GSTCD: variants seen among roughly 807,000 people sequenced by gnomAD.
GSTCD encodes the protein glutathione S-transferase C-terminal domain containing, also known as glutathione S-transferase C-terminal domain-containing protein.
A neutral mutation model predicts 68.3 loss-of-function variants in GSTCD; 44 were observed. The observed-to-expected ratio is 0.64, with a 90% CI of 0.51 to 0.83. The LOEUF (loss-of-function observed/expected upper bound fraction) is 0.83. GSTCD is among the 40% of genes least tolerant of loss of function. GSTCD has a pLI of 0.00. For missense variants in GSTCD, 739 were observed against 735.9 expected (o/e 1.00, Z -0.05); for synonymous variants, 273 against 255.2 (o/e 1.07, Z -0.67).
Position 105,845,731 on chromosome 4 carries a change from A to G in GSTCD, c.*154A>G. On this transcript the variant is annotated 3_prime_UTR_variant, in exon 12 of 12. Coordinates refer to ENST00000515279, the MANE Select transcript of GSTCD (RefSeq NM_001370181.1). ...AGCAACAGGGAAATCTTGGAAGTAAAGGCTCCCTGCAAAGCATCACAAATG... is the reference window on the plus strand; with the variant it reads ...AGCAACAGGGAAATCTTGGAAGTAAGGGCTCCCTGCAAAGCATCACAAATG... The G allele has an allele frequency of 1.4e-6, 1 of 699,526 alleles. No homozygotes were observed. The highest frequency in any genetic ancestry group is 1.9e-5 in the South Asian group (1 of 53,470). The allele number at this position is 699,526 out of a possible 1,614,324, so 43.3% of individuals were successfully genotyped here. A position where few individuals can be genotyped will look rare whatever the true frequency, so the allele number is the denominator to read the frequency against.
At chr4:105,823,783 T>C (rs1723439674) in intron 7 of GSTCD, 1 of 152,142 alleles carries the variant, frequency 6.6e-6, no homozygotes, top group Admixed American at 6.5e-5. Context: ...GGGATGCTAA[T>C]TGTTGCAAAT....
chr4:105,778,458 ATT>A (rs760194072), intron 5 of GSTCD, among the ~76,000 whole-genome samples: 3 of 152,150 alleles, frequency 2.0e-5, no homozygotes, highest in Non-Finnish European at 4.4e-5. Flanking sequence ...ATTTTAAAAT[ATT>A]GTTTATTTCA....
In GSTCD at chr4:105,823,139, G is replaced by A. The variant is rs750334828; in HGVS notation, c.1356+70G>A. On this transcript the variant is annotated intron_variant, in intron 6 of 11. Coordinates refer to ENST00000515279, the MANE Select transcript of GSTCD (RefSeq NM_001370181.1). ...TGAGACTTTTCTATATTACATTCAA[G>A]GTCATGTTTTTATTTGGCAAGATTG... 7 of 1,569,000 alleles carry A rather than the reference G, an allele frequency of 4.5e-6. No homozygotes were observed. The African/African-American group carries it at 8.1e-5, about 18-fold the overall frequency.
intron 5 of GSTCD, among the ~76,000 whole-genome samples, chr4:105,749,444 T>G (rs1473814168): frequency 6.6e-6 from 1 of 151,880 alleles, no homozygotes; most frequent in Non-Finnish European, 1.5e-5. Flanking sequence ...GTGTTAAGAC[T>G]TACTATATAG....
chr4:105,795,273 C>T (rs1172977121), intron 5 of GSTCD, among the ~76,000 whole-genome samples: 4 of 152,008 alleles, frequency 2.6e-5, no homozygotes, highest in Non-Finnish European at 4.4e-5. Context: ...AAGCTGTAGA[C>T]ATTTTTCTGA....
intron 5 of GSTCD, among the ~76,000 whole-genome samples, chr4:105,759,483 T>G (rs900349780): frequency 6.6e-6 from 1 of 152,128 alleles, no homozygotes; most frequent in African/African-American, 2.4e-5. Context: ...TGTGTTTAGT[T>G]TCAACAAAGG....
intron 5 of GSTCD, among the ~76,000 whole-genome samples, chr4:105,780,501 T>G (rs1735236300): frequency 6.6e-6 from 1 of 152,224 alleles, no homozygotes; most frequent in Non-Finnish European, 1.5e-5. Context: ...GTCTGAGCCA[T>G]ATAAGAACTG....
chr4:105,797,418 C>T (rs1735936928), intron 5 of GSTCD, among the ~76,000 whole-genome samples: 1 of 152,054 alleles, frequency 6.6e-6, no homozygotes, highest in Non-Finnish European at 1.5e-5. Flanking sequence ...TGCCAGTGCA[C>T]ATGAAAGTTG....
intron 5 of GSTCD, among the ~76,000 whole-genome samples, chr4:105,801,929 G>A (rs897442157): frequency 1.3e-5 from 2 of 151,982 alleles, no homozygotes; most frequent in Non-Finnish European, 2.9e-5. Context: ...GACCTGGTTA[G>A]ACTTCTACTT....
At chr4:105,718,138 T>G (rs566766195) in intron 2 of GSTCD, 99 bp downstream of exon 2, 38 of 984,870 alleles carry the variant, frequency 3.9e-5, no homozygotes, top group Middle Eastern at 5.0e-4. Flanking sequence ...AATAAAAGTT[T>G]ATTTATTTTA....
At chr4:105,726,142 A>G (rs72671855) in intron 3 of GSTCD, among the ~76,000 whole-genome samples, 6,763 of 152,274 alleles carry the variant, frequency 0.044, 207 homozygotes, top group Middle Eastern at 0.13. Context: ...TCTATCAACC[A>G]GTGAATGAGT....
intron 3 of GSTCD, among the ~76,000 whole-genome samples, chr4:105,720,385 C>G (rs935400133): frequency 1.3e-5 from 2 of 152,130 alleles, no homozygotes; most frequent in Non-Finnish European, 2.9e-5. Flanking sequence ...ACTAAGGAAT[C>G]AGATATTAGA....
intron 5 of GSTCD, among the ~76,000 whole-genome samples, chr4:105,764,267 T>C (rs1029510635): frequency 6.6e-6 from 1 of 152,206 alleles, no homozygotes; most frequent in Non-Finnish European, 1.5e-5. Flanking sequence ...TATGTTGTTA[T>C]ATATCCAACT....
intron 5 of GSTCD, among the ~76,000 whole-genome samples, chr4:105,805,273 T>C (rs1722444189): frequency 6.6e-6 from 1 of 152,096 alleles, no homozygotes; most frequent in Non-Finnish European, 1.5e-5. Context: ...CCACTGTGTT[T>C]TTATTTTAAT....
At chr4:105,790,590 A>C (rs962459595) in intron 5 of GSTCD, among the ~76,000 whole-genome samples, 1 of 151,978 alleles carries the variant, frequency 6.6e-6, no homozygotes, top group Non-Finnish European at 1.5e-5. Flanking sequence ...CCAGTGAGCT[A>C]TGATTGCACT....
intron 5 of GSTCD, among the ~76,000 whole-genome samples, chr4:105,740,503 A>T (rs1733598711): frequency 6.6e-6 from 1 of 151,612 alleles, no homozygotes; most frequent in Non-Finnish European, 1.5e-5. Context: ...TCCTTTAGTC[A>T]TTTTCATTAT....
intron 8 of GSTCD, among the ~76,000 whole-genome samples, chr4:105,826,768 G>T (rs1723637481): frequency 6.6e-6 from 1 of 151,714 alleles, no homozygotes; most frequent in South Asian, 2.1e-4. Context: ...TAAGAATTTT[G>T]ATGCATTTGC....
At position 105,845,510 on chromosome 4, in the gene GSTCD, A is replaced by G; in HGVS notation, c.1835A>G (p.Gln612Arg). The change falls in exon 12 of 12, where the codon CAA becomes CGA. Residue 612 changes from glutamine to arginine, a missense_variant. By Grantham distance (43) the Gln-to-Arg change is conservative. Transcript: ENST00000515279. ...RAAEECGYSV[Q>R]VISMEPESCS... ...GCAGAAGAATGTGGATACTCCGTTC[A>G]AGTGATATCCATGGAGCCAGAGAGC... The G allele has an allele frequency of 1.2e-6, 2 of 1,614,182 alleles. No homozygotes were observed. The highest frequency in any genetic ancestry group is 4.5e-5 in the East Asian group (2 of 44,886).
chr4:105,821,672 A>C (rs1723299223), intron 5 of GSTCD, among the ~76,000 whole-genome samples: 1 of 151,920 alleles, frequency 6.6e-6, no homozygotes, highest in Middle Eastern at 3.2e-3. Context: ...ATGGAATACT[A>C]TGCAGCCATT....
Sources: gnomAD v4.1 joint callset for allele counts (sites outside exome capture counted in the v4.1 genomes callset) on GRCh38, gnomAD v4.1.1 for gene constraint, MANE v1.5 for transcripts, NCBI Gene and HGNC (gene_info 2026-07-23, HGNC 2026-07-21) for gene names.